The following BAZ1B variants were observed in gnomAD, a reference collection of about 807,000 sequenced individuals.
The protein encoded by BAZ1B is bromodomain adjacent to zinc finger domain 1B.
In BAZ1B, 22 loss-of-function variants were observed where a neutral mutation model predicts 153.8. The observed-to-expected ratio is 0.14, with a 90% CI of 0.10 to 0.20. The LOEUF (loss-of-function observed/expected upper bound fraction) is 0.20, where lower values mean the gene tolerates loss of function less well. BAZ1B is among the 10% of genes least tolerant of loss of function. The pLI, the probability that BAZ1B is intolerant of heterozygous loss-of-function variation, is 1.00. For synonymous variants in BAZ1B, 676 were observed against 633.4 expected, an observed-to-expected ratio of 1.07 and a Z score of -1.01; for missense variants, 1,325 against 1,799.3, an observed-to-expected ratio of 0.74 and a Z score of 4.77.
chr7:73,498,783 GCCT>G (rs1477530837), intron 3 of BAZ1B, 85 bp from the exon 4 acceptor site: 2 of 1,166,280 alleles, frequency 1.7e-6, no homozygotes, highest in African/African-American at 3.1e-5. Context: ...CAATATACAT[GCCT>G]CCTCAACTAA....
At chr7:73,490,931 A>G (rs1282814748) in intron 5 of BAZ1B, among the ~76,000 whole-genome samples, 1 of 151,688 alleles carries the variant, frequency 6.6e-6, no homozygotes, top group Non-Finnish European at 1.5e-5. Context: ...TTAATCAGCT[A>G]CCTTGCTGAA....
At chr7:73,518,881 C>T (rs781984832) in intron 1 of BAZ1B, among the ~76,000 whole-genome samples, 4 of 152,160 alleles carry the variant, frequency 2.6e-5, no homozygotes, top group African/African-American at 4.8e-5. Context: ...TGAAGTAACA[C>T]AACAAAAATA....
At chr7:73,443,425 G>C (rs1473221054) in intron 17 of BAZ1B, among the ~76,000 whole-genome samples, 3 of 152,296 alleles carry the variant, frequency 2.0e-5, no homozygotes, top group South Asian at 2.1e-4. Context: ...GCCCAAGGCT[G>C]TGGCAAACCG....
chr7:73,472,567 A>G (rs1312194215), intron 7 of BAZ1B, among the ~76,000 whole-genome samples: 13 of 152,004 alleles, frequency 8.6e-5, no homozygotes, highest in African/African-American at 3.1e-4. Flanking sequence ...CCGCAGTTAT[A>G]CTTTCTTGAT....
chr7:73,496,432 A>C (rs1406293783), intron 4 of BAZ1B, among the ~76,000 whole-genome samples: 1 of 152,200 alleles, frequency 6.6e-6, no homozygotes, highest in Non-Finnish European at 1.5e-5. Context: ...TAGACACACA[A>C]AATAGAATGG....
intron 1 of BAZ1B, among the ~76,000 whole-genome samples, chr7:73,517,300 C>T (rs1300304284): frequency 4.6e-5 from 7 of 152,018 alleles, no homozygotes; most frequent in East Asian, 1.9e-4. Flanking sequence ...CAAGACCAGC[C>T]GGGGCAACTT....
rs1441532708 is a variant in BAZ1B at position 73,477,301 on chromosome 7, C to G, written c.2160G>C (p.Glu720Asp). ...GGAACTCATCTTGTACCTCATTATC[C>G]TCAAATGCAGCTGAATCTTTATTGT... is the stretch of plus-strand genomic sequence containing the variant. ...TDDNKDSAAF[E>D]DNEVQDEFLE... Residue 720 changes from glutamate (E) to aspartate (D), a missense_variant, in exon 7 of 20, where the codon GAG becomes GAC. Physicochemically the swap from Glu to Asp is conservative, Grantham distance 45. Around this residue, in one of 9 missense-constraint regions of BAZ1B, gnomAD observed 431 missense variants for 563.5 expected, o/e 0.76. Coordinates refer to ENST00000339594, the MANE Select transcript of BAZ1B (RefSeq NM_032408.4). This position sits in a 1 kb window ranked among gnomAD's most constrained non-coding sequence, Gnocchi z 5.6. The G allele has an allele frequency of 1.7e-5, 28 of 1,614,134 alleles. No individual in the cohort carries two copies. The highest frequency in any genetic ancestry group is 2.4e-5 in the Non-Finnish European group (28 of 1,180,058).
At chr7:73,446,318 C>T (rs1244417670) in intron 16 of BAZ1B, among the ~76,000 whole-genome samples, 3 of 152,096 alleles carry the variant, frequency 2.0e-5, no homozygotes, top group Admixed American at 6.6e-5. Flanking sequence ...GGCATAGTGG[C>T]TTATGCCTGT....
chr7:73,445,597 G>A (rs77906726), intron 16 of BAZ1B, among the ~76,000 whole-genome samples: 3,397 of 152,236 alleles, frequency 0.022, 127 homozygotes, highest in African/African-American at 0.075. Context: ...GAGATCAGGC[G>A]CAGTGGCTCA....
In BAZ1B at chr7:73,478,684, T is replaced by C. The variant is rs1789086657; in HGVS notation, c.892-115A>G. The C allele has an allele frequency of 1.3e-5, 11 of 833,492 alleles. No homozygotes were observed. The South Asian group carries it at 3.0e-4, about 23-fold the overall frequency. 51.6% of individuals were successfully genotyped at this position (833,492 alleles called of 1,614,324 possible). A position where few individuals can be genotyped will look rare whatever the true frequency, so the allele number is the denominator to read the frequency against. Reference sequence around the variant, plus strand: ...CTATTCAGGTAAAGCTACATATTCATATCTCTTCATAGATACTTTGTCCCT... The same window carrying C: ...CTATTCAGGTAAAGCTACATATTCACATCTCTTCATAGATACTTTGTCCCT... On this transcript the variant is annotated intron_variant, in intron 6 of 19. Coordinates refer to ENST00000339594, the MANE Select transcript of BAZ1B (RefSeq NM_032408.4).
At position 73,522,234 on chromosome 7, in the gene BAZ1B, A is replaced by G; in HGVS notation, c.-301T>C. On this transcript the variant is annotated 5_prime_UTR_variant, in exon 1 of 20. Transcript: ENST00000339594. ...ACTCCTCCTCAGCAGCACCGGAGGA[A>G]ATTATTGAAAAATGGCGGGAGATTC... is the stretch of plus-strand genomic sequence containing the variant. The G allele has an allele frequency of 2.6e-6, 1 of 381,636 alleles. No individual in the cohort carries two copies. Among genetic ancestry groups the G allele is most frequent in the Non-Finnish European group, 4.6e-6 (1 of 215,054 alleles). The allele number at this position is 381,636 out of a possible 1,614,324, so 23.6% of individuals were successfully genotyped here. A position where few individuals can be genotyped will look rare whatever the true frequency, so the allele number is the denominator to read the frequency against.
chr7:73,444,946 G>A (rs1421702701), intron 16 of BAZ1B, among the ~76,000 whole-genome samples: 5 of 152,010 alleles, frequency 3.3e-5, no homozygotes, highest in East Asian at 1.9e-4. Context: ...CCTGGGAGGC[G>A]GAGGTTGCAG....
At chr7:73,459,450 A>G in intron 13 of BAZ1B, 86 bp downstream of exon 13, 1 of 1,371,420 alleles carries the variant, frequency 7.3e-7, no homozygotes, top group East Asian at 2.3e-5. Flanking sequence ...TGCCTATAGC[A>G]GCTAAAATGC....
At chr7:73,507,283 G>C (rs1790383382) in intron 3 of BAZ1B, 1 of 152,146 alleles carries the variant, frequency 6.6e-6, no homozygotes, top group Non-Finnish European at 1.5e-5. Flanking sequence ...CATGGGTTGG[G>C]CACAGTGGTT....
intron 3 of BAZ1B, among the ~76,000 whole-genome samples, chr7:73,501,641 C>G (rs1230729455): frequency 5.3e-5 from 8 of 152,074 alleles, no homozygotes; most frequent in African/African-American, 1.9e-4. Context: ...GTTGAGAAAC[C>G]CCGTTCCTGA....
At chr7:73,473,281 G>A (rs939582718) in intron 7 of BAZ1B, among the ~76,000 whole-genome samples, 4 of 152,302 alleles carry the variant, frequency 2.6e-5, no homozygotes, top group East Asian at 1.9e-4. Context: ...GGCCAGGGGC[G>A]GTGGCTCATG....
intron 7 of BAZ1B, among the ~76,000 whole-genome samples, chr7:73,475,821 G>A (rs1788975943): frequency 6.6e-6 from 1 of 151,950 alleles, no homozygotes; most frequent in Admixed American, 6.6e-5. Flanking sequence ...CTACTCGGGA[G>A]GCTGAGGCAG....
rs187890920 is a variant in BAZ1B at position 73,508,257 on chromosome 7, G to A, written c.369+70C>T. The A allele has an allele frequency of 2.4e-5, 36 of 1,493,646 alleles. No homozygotes were observed. In the East Asian group the frequency reaches 8.2e-4, roughly 34 times the overall value. 92.5% of individuals were successfully genotyped at this position (1,493,646 alleles called of 1,614,324 possible). A position where few individuals can be genotyped will look rare whatever the true frequency, so the allele number is the denominator to read the frequency against. ...AACACAGTTTTACACACATAGAAAT[G>A]TGTTCTGTAACCTACGATGACAGCT... On this transcript the variant is annotated intron_variant, in intron 3 of 19. Transcript: ENST00000339594.
intron 16 of BAZ1B, among the ~76,000 whole-genome samples, chr7:73,446,661 A>G (rs1787849023): frequency 6.6e-6 from 1 of 152,196 alleles, no homozygotes; most frequent in Admixed American, 6.5e-5. Flanking sequence ...CTCATGAGAA[A>G]TGAACATGAG....
Sources: allele counts gnomAD v4.1 joint callset (sites outside exome capture counted in the v4.1 genomes callset), GRCh38; gene constraint gnomAD v4.1.1; regional missense constraint gnomAD v4.1.1; non-coding constraint Gnocchi (gnomAD v3.1); transcripts MANE v1.5; gene names NCBI Gene and HGNC (gene_info 2026-07-23, HGNC 2026-07-21).